Variants in DNAAF2 observed in about 807,000 individuals in gnomAD.
The protein encoded by DNAAF2 is protein kintoun.
DNAAF2 carries 58 observed loss-of-function variants against 48.8 expected under a neutral mutation model. The observed-to-expected ratio is 1.19, with a 90% CI of 0.96 to 1.48. The LOEUF is 1.48. DNAAF2 is among the 40% of genes most tolerant of loss of function. The pLI is 0.00. For synonymous variants in DNAAF2, 567 were observed against 481.2 expected (o/e 1.18, Z -2.33); for missense variants, 1,241 against 1,116.1 (o/e 1.11, Z -1.59).
At position 49,634,055 on chromosome 14, in the gene DNAAF2, CGCG is replaced by C. The variant is rs745419780; in HGVS notation, c.1092_1094del (p.Ala365del). 6 of 1,520,534 alleles carry C rather than the reference CGCG, an allele frequency of 3.9e-6. No homozygotes were observed. The highest frequency in any genetic ancestry group is 2.8e-5 in the African/African-American group (2 of 72,212). 94.2% of individuals were successfully genotyped at this position (1,520,534 alleles called of 1,614,324 possible). ...CGGACCGGTCCGCGGACTCTTCCGG[CGCG>C]GCGGCGGCGACGGCGACAGCGGGCT... On this transcript the variant is annotated inframe_deletion, in exon 1 of 3. Transcript: ENST00000298292.
At chr14:49,627,928 G>C (rs1883052353) in intron 2 of DNAAF2, 84 bp downstream of exon 2, 2 of 1,324,352 alleles carry the variant, frequency 1.5e-6, no homozygotes, top group Admixed American at 6.4e-5. Context: ...TTTGTTTAAA[G>C]TTATGATATT....
At chr14:49,630,502 T>G (rs984890313) in intron 1 of DNAAF2, among the ~76,000 whole-genome samples, 2 of 152,030 alleles carry the variant, frequency 1.3e-5, no homozygotes, top group African/African-American at 4.8e-5. Context: ...TAAGCAAATT[T>G]TGTAATTACA....
rs372399039 is a variant in DNAAF2, at chr14:49,634,620, C to T, written c.530G>A (p.Gly177Asp). 1 of 1,607,002 alleles carries T rather than the reference C, an allele frequency of 6.2e-7. No homozygotes were observed. Residue 177 changes from glycine to aspartate, a missense_variant, in exon 1 of 3, where the codon GGC becomes GAC. By Grantham distance (94) the Gly-to-Asp change is moderately conservative. Transcript: ENST00000298292. Reference sequence around the variant, plus strand: ...GGCATTCCTGCGGTCCAGCTTCACGCCGAACTGCTTCTCGACGGCCTCCAG... The same window carrying T: ...GGCATTCCTGCGGTCCAGCTTCACGTCGAACTGCTTCTCGACGGCCTCCAG... ...TALEAVEKQFGVKLDRRNAKT... is the reference protein window; with the variant it reads ...TALEAVEKQFDVKLDRRNAKT...
At chr14:49,628,545 C>T (rs1883070851) in intron 1 of DNAAF2, among the ~76,000 whole-genome samples, 1 of 152,114 alleles carries the variant, frequency 6.6e-6, no homozygotes, top group Admixed American at 6.5e-5. Context: ...ACCTCCGCCT[C>T]CCAGGTTCAA....
intron 1 of DNAAF2, among the ~76,000 whole-genome samples, chr14:49,631,662 G>A (rs1460194766): frequency 6.6e-6 from 1 of 152,150 alleles, no homozygotes; most frequent in African/African-American, 2.4e-5. Flanking sequence ...TGCCTTCTCA[G>A]TCTAATGACT....
rs1447171565 is a variant in DNAAF2, at chr14:49,635,112, A to G, written c.38T>C (p.Leu13Ser). Residue 13 changes from leucine to serine, a missense_variant, in exon 1 of 3, where the codon TTG becomes TCG. Coordinates refer to ENST00000298292, the MANE Select transcript of DNAAF2 (RefSeq NM_018139.3). ...KAAASSSLED[L>S]DLSGEEVQRL... Reference sequence around the variant, plus strand: ...CTGGACCTCCTCTCCGCTCAGGTCCAAGTCCTCCAGCGACGAGGAGGCCGC... The same window carrying G: ...CTGGACCTCCTCTCCGCTCAGGTCCGAGTCCTCCAGCGACGAGGAGGCCGC... 21 of 1,573,752 alleles carry G rather than the reference A, an allele frequency of 1.3e-5. No homozygotes were observed. Among genetic ancestry groups the G allele is most frequent in the Admixed American group, 1.8e-5 (1 of 54,158 alleles).
At position 49,633,647 on chromosome 14, in the gene DNAAF2, C is replaced by A. The variant is rs201546624; in HGVS notation, c.1503G>T (p.Thr501=). The part of the protein sequence containing the change: ...SVETREESEG[T]GGQRSACAMG... ...TGGCGCAGGCTGAGCGCTGGCCGCC[C>A]GTGCCCTCCGACTCCTCGCGTGTTT... Residue 501 remains threonine, a synonymous_variant, in exon 1 of 3, where the codon ACG becomes ACT. Coordinates refer to ENST00000298292, the MANE Select transcript of DNAAF2 (RefSeq NM_018139.3). 81 of 1,612,662 alleles carry A rather than the reference C, an allele frequency of 5.0e-5. No individual in the cohort carries two copies. The East Asian group carries it at 1.8e-3, about 35-fold the overall frequency.
Position 49,634,684 on chromosome 14 carries a change from G to T in DNAAF2, c.466C>A (p.Arg156=). Residue 156 remains arginine, a synonymous_variant, in exon 1 of 3, where the codon CGG becomes AGG. Transcript: ENST00000298292. ...FHPDALALAR[R]HEGFRQMLDA... ...AGCATCTGGCGGAAGCCCTCGTGCCGCCGGGCCAGCGCAAGCGCGTCTGGA... is the reference window on the plus strand; with the variant it reads ...AGCATCTGGCGGAAGCCCTCGTGCCTCCGGGCCAGCGCAAGCGCGTCTGGA... The T allele has an allele frequency of 1.2e-6, 2 of 1,606,244 alleles. No homozygotes were observed. Among genetic ancestry groups the T allele is most frequent in the Non-Finnish European group, 1.7e-6 (2 of 1,179,678 alleles).
intron 2 of DNAAF2, among the ~76,000 whole-genome samples, chr14:49,627,597 T>G (rs1381998749): frequency 6.6e-6 from 1 of 152,210 alleles, no homozygotes; most frequent in East Asian, 1.9e-4. Flanking sequence ...GGCTCATGCC[T>G]GTAATCCTAG....
chr14:49,633,922 A>G lies in DNAAF2; in HGVS notation c.1228T>C (p.Ser410Pro), dbSNP rs746189091. Residue 410 changes from serine to proline, a missense_variant, in exon 1 of 3, where the codon TCC becomes CCC. Coordinates refer to ENST00000298292, the MANE Select transcript of DNAAF2 (RefSeq NM_018139.3). ...GGGTCGCCCAGGGTGGTGACCCCGGAGCCCGCAGCCCCAGCCACGCAGGTA... is the reference window on the plus strand; with the variant it reads ...GGGTCGCCCAGGGTGGTGACCCCGGGGCCCGCAGCCCCAGCCACGCAGGTA... ...HDTCVAGAAG[S>P]GVTTLGDPEV... The G allele has an allele frequency of 1.4e-4, 208 of 1,531,272 alleles. No individual in the cohort carries two copies. Among genetic ancestry groups the G allele is most frequent in the Non-Finnish European group, 1.8e-4 (201 of 1,145,030 alleles). The allele number at this position is 1,531,272 out of a possible 1,614,324, so 94.9% of individuals were successfully genotyped here. A position where few individuals can be genotyped will look rare whatever the true frequency, so the allele number is the denominator to read the frequency against.
Position 49,635,206 on chromosome 14 carries a change from G to T in DNAAF2, c.-57C>A, listed in dbSNP as rs1036970768. ...AGGCGATCAGTCTGACACTGGGTTG[G>T]GGGATCCGCCTCAGAGTTTCTGGGC... On this transcript the variant is annotated 5_prime_UTR_variant, in exon 1 of 3. Transcript: ENST00000298292. The T allele has an allele frequency of 1.3e-6, 2 of 1,519,402 alleles. No individual in the cohort carries two copies. Among genetic ancestry groups the T allele is most frequent in the South Asian group, 1.2e-5 (1 of 83,180 alleles). 94.1% of individuals were successfully genotyped at this position (1,519,402 alleles called of 1,614,324 possible). A position where few individuals can be genotyped will look rare whatever the true frequency, so the allele number is the denominator to read the frequency against.
chr14:49,632,701 C>G (rs1883194244), intron 1 of DNAAF2, among the ~76,000 whole-genome samples: 1 of 22,862 alleles, frequency 4.4e-5, no homozygotes, highest in South Asian at 9.4e-4. Context: ...CCGCCTTGGC[C>G]CCCCCAAAGT....
intron 1 of DNAAF2, among the ~76,000 whole-genome samples, chr14:49,632,603 G>A (rs980653912): frequency 1.3e-5 from 2 of 151,848 alleles, no homozygotes; most frequent in African/African-American, 4.8e-5. Context: ...CCGCCACCAC[G>A]CCCAGCTAAT....
In DNAAF2 at chr14:49,634,805, A is replaced by G; in HGVS notation, c.345T>C (p.Pro115=). 1 of 1,556,314 alleles carries G rather than the reference A, an allele frequency of 6.4e-7. No individual in the cohort carries two copies. Among genetic ancestry groups the G allele is most frequent in the Non-Finnish European group, 8.7e-7 (1 of 1,153,624 alleles). Residue 115 remains proline, a synonymous_variant, in exon 1 of 3, where the codon CCT becomes CCC. Transcript: ENST00000298292. ...TGTAGGGCAGGGACCAGTGGCTGCCAGGAGCTGCGCCCCGGTCGCCACCGG... is the reference window on the plus strand; with the variant it reads ...TGTAGGGCAGGGACCAGTGGCTGCCGGGAGCTGCGCCCCGGTCGCCACCGG... ...PGSGGDRGAA[P]GSHWSLPYSL...
chr14:49,625,719 T>C lies in DNAAF2; in HGVS notation c.2337A>G (p.Lys779=), dbSNP rs1441820124. Residue 779 remains lysine (K), a synonymous_variant, in exon 3 of 3, where the codon AAA becomes AAG. Coordinates refer to ENST00000298292, the MANE Select transcript of DNAAF2 (RefSeq NM_018139.3). The part of the protein sequence containing the change: ...NLNESVITEE[K]ETDGDHLSSL... The stretch of plus-strand genomic sequence containing the variant: ...AAGATAGGTGATCTCCATCTGTTTC[T>C]TTCTCTTCAGTTATTACTGACTCGT... 6.2e-7 allele frequency: 1 copy of C among 1,613,732 alleles called. No individual in the cohort carries two copies. Among genetic ancestry groups the C allele is most frequent in the East Asian group, 2.2e-5 (1 of 44,794 alleles).
At position 49,625,648 on chromosome 14, in the gene DNAAF2, C is replaced by T; in HGVS notation, c.2408G>A (p.Ser803Asn). 1 of 1,613,678 alleles carries T rather than the reference C, an allele frequency of 6.2e-7. No homozygotes were observed. The highest frequency in any genetic ancestry group is 8.5e-7 in the Non-Finnish European group (1 of 1,179,750). The change falls in exon 3 of 3, where the codon AGC becomes AAC. Residue 803 changes from serine to asparagine, a missense_variant. Ser to Asn is a conservative substitution (Grantham distance 46). Transcript: ENST00000298292. ...TTVHNIPGFD[S>N]IKETNMQDGS... ...ATCCTGCATATTGGTTTCTTTTATGCTGTCGAATCCAGGTATATTGTGAAC... is the reference window on the plus strand; with the variant it reads ...ATCCTGCATATTGGTTTCTTTTATGTTGTCGAATCCAGGTATATTGTGAAC...
intron 2 of DNAAF2, 117 bp from the exon 3 acceptor site, chr14:49,626,165 C>G: frequency 1.3e-6 from 1 of 777,392 alleles, no homozygotes; most frequent in Non-Finnish European, 1.8e-6. Flanking sequence ...TACAGACCTG[C>G]AGGTATACAT....
chr14:49,625,381 A>G lies in DNAAF2; in HGVS notation c.*161T>C, dbSNP rs1346928640. On this transcript the variant is annotated 3_prime_UTR_variant, in exon 3 of 3. Coordinates refer to ENST00000298292, the MANE Select transcript of DNAAF2 (RefSeq NM_018139.3). ...AGGCAAAAAAAAAAAAATTATCTCC[A>G]ATTTCCCCCATGAGAATCAAAATTG... 7 of 441,966 alleles carry G rather than the reference A, an allele frequency of 1.6e-5. No homozygotes were observed. The highest frequency in any genetic ancestry group is 4.1e-5 in the African/African-American group (2 of 49,028). The allele number at this position is 441,966 out of a possible 1,614,324, so 27.4% of individuals were successfully genotyped here.
At chr14:49,627,630 TG>T (rs550649180) in intron 2 of DNAAF2, among the ~76,000 whole-genome samples, 4 of 151,712 alleles carry the variant, frequency 2.6e-5, no homozygotes, top group African/African-American at 9.7e-5. Flanking sequence ...CCGAGGCGGG[TG>T]GATCATGAGG....
Sources: gnomAD v4.1 joint callset for allele counts (sites outside exome capture counted in the v4.1 genomes callset) on GRCh38, gnomAD v4.1.1 for gene constraint, MANE v1.5 for transcripts, NCBI Gene and HGNC (gene_info 2026-07-23, HGNC 2026-07-21) for gene names.